RPN2: variants seen among roughly 807,000 people sequenced by gnomAD.
RPN2 encodes the protein dolichyl-diphosphooligosaccharide--protein glycosyltransferase subunit 2.
In RPN2, 29 loss-of-function variants were observed where a neutral mutation model predicts 71.4. The ratio of observed to expected loss-of-function variants is 0.41; its 90% CI spans 0.30 to 0.55. The LOEUF is 0.55. RPN2 is among the 20% of genes least tolerant of loss of function. The pLI is 0.35. For synonymous variants in RPN2, 308 were observed against 305.0 expected, an observed-to-expected ratio of 1.01 and a Z score of -0.10; for missense variants, 726 against 774.1, an observed-to-expected ratio of 0.94 and a Z score of 0.74.
In RPN2 at chr20:37,238,537, C is replaced by G. The variant is rs2068464044; in HGVS notation, c.1883+1828C>G. ...GCATGTCAGTTATCTCTCTAGTTTT[C>G]AGCCCACTTGCTCCTCCCACCCCTC... is the stretch of plus-strand genomic sequence containing the variant. On this transcript the variant is annotated intron_variant, in intron 16 of 16. Transcript: ENST00000237530. The G allele has an allele frequency of 6.3e-6, 6 of 951,972 alleles. No individual in the cohort carries two copies. In the South Asian group the frequency reaches 8.3e-5, roughly 13 times the overall value. The allele number at this position is 951,972 out of a possible 1,614,324, so 59.0% of individuals were successfully genotyped here.
chr20:37,236,995 C>G (rs1244076884), intron 16 of RPN2, among the ~76,000 whole-genome samples: 1 of 152,124 alleles, frequency 6.6e-6, no homozygotes, highest in Non-Finnish European at 1.5e-5. Context: ...ATAGATGTGG[C>G]AGAAGATTAA....
intron 11 of RPN2, among the ~76,000 whole-genome samples, chr20:37,227,010 A>G (rs1001709994): frequency 4.6e-5 from 7 of 152,124 alleles, no homozygotes; most frequent in Non-Finnish European, 8.8e-5. Flanking sequence ...TTACTTGAGA[A>G]CCTTCTTGCT....
chr20:37,224,945 G>A (rs1171039832), intron 10 of RPN2, among the ~76,000 whole-genome samples: 4 of 152,176 alleles, frequency 2.6e-5, no homozygotes, highest in Non-Finnish European at 4.4e-5. Context: ...ATGTCTGTGC[G>A]AGCGCTTTGC....
chr20:37,233,104 TC>T (rs2068294583), intron 14 of RPN2, among the ~76,000 whole-genome samples: 1 of 151,930 alleles, frequency 6.6e-6, no homozygotes, highest in Non-Finnish European at 1.5e-5. Context: ...ATGCCTGTAG[TC>T]CCGGCTACTT....
chr20:37,223,393 ATC>A (rs2068005320), intron 9 of RPN2, among the ~76,000 whole-genome samples: 1 of 152,176 alleles, frequency 6.6e-6, no homozygotes, highest in Non-Finnish European at 1.5e-5. Context: ...AAGCAGCTTC[ATC>A]TCTCTCATCT....
chr20:37,225,826 C>A, intron 11 of RPN2, 24 bp downstream of exon 11: 1 of 1,464,298 alleles, frequency 6.8e-7, no homozygotes, highest in Non-Finnish European at 9.6e-7. Flanking sequence ...CTAGACAGTT[C>A]TCTTAACCTG....
chr20:37,198,266 C>CT, intron 2 of RPN2, 131 bp from the exon 3 acceptor site: 1 of 1,535,288 alleles, frequency 6.5e-7, no homozygotes. Context: ...AAAGTAACTA[C>CT]TTAACTAAAT....
At chr20:37,233,990 C>T (rs376140230) in intron 14 of RPN2, 30 bp from the exon 15 acceptor site, 14 of 1,612,574 alleles carry the variant, frequency 8.7e-6, no homozygotes, top group Non-Finnish European at 1.2e-5. Flanking sequence ...GTTCTAATGC[C>T]TTTTTAATTT....
intron 9 of RPN2, among the ~76,000 whole-genome samples, chr20:37,216,149 G>T (rs2067798397): frequency 6.6e-6 from 1 of 152,062 alleles, no homozygotes; most frequent in Non-Finnish European, 1.5e-5. Context: ...TACTAGCCTG[G>T]CCAACATGAT....
In RPN2 at chr20:37,203,912, C is replaced by T. The variant is rs1434065096; in HGVS notation, c.507C>T (p.Ser169=). The change falls in exon 5 of 17, where the codon TCC becomes TCT. Residue 169 remains serine (S), a synonymous_variant. Transcript: ENST00000237530. ...LATVQALQTA[S]HLSQQADLRS... is the part of the protein sequence containing the mutation. ...CAGTCCAGGCTCTGCAGACAGCATCCCACCTGTCCCAGCAGGCTGACCTGA... is the reference window on the plus strand; with the variant it reads ...CAGTCCAGGCTCTGCAGACAGCATCTCACCTGTCCCAGCAGGCTGACCTGA... 6.2e-7 allele frequency: 1 copy of T among 1,614,026 alleles called. No homozygotes were observed. Among genetic ancestry groups the T allele is most frequent in the Non-Finnish European group, 8.5e-7 (1 of 1,179,904 alleles).
chr20:37,234,182 C>A, intron 15 of RPN2, 87 bp downstream of exon 15: 2 of 1,257,926 alleles, frequency 1.6e-6, no homozygotes, highest in Non-Finnish European at 2.3e-6. Flanking sequence ...GACCCACAAC[C>A]TATTACCTAT....
At chr20:37,195,534 C>T (rs1286980823) in intron 2 of RPN2, among the ~76,000 whole-genome samples, 1 of 152,156 alleles carries the variant, frequency 6.6e-6, no homozygotes, top group Non-Finnish European at 1.5e-5. Context: ...CCTCAGTTTT[C>T]TTACCTGTAA....
chr20:37,189,974 G>C (rs2067107454), intron 2 of RPN2, among the ~76,000 whole-genome samples: 1 of 152,316 alleles, frequency 6.6e-6, no homozygotes, highest in South Asian at 2.1e-4. Flanking sequence ...CCTGGGGAGA[G>C]AGAAAGAGCA....
intron 9 of RPN2, among the ~76,000 whole-genome samples, chr20:37,220,615 G>A (rs2067930349): frequency 6.6e-6 from 1 of 152,116 alleles, no homozygotes; most frequent in Non-Finnish European, 1.5e-5. Flanking sequence ...GTGTAAAGCA[G>A]GCTTAGCTGC....
rs756536707 is a variant in RPN2, at chr20:37,234,094, T to C, written c.1752T>C (p.Ala584=). The C allele has an allele frequency of 6.2e-7, 1 of 1,614,146 alleles. No individual in the cohort carries two copies. The highest frequency in any genetic ancestry group is 8.5e-7 in the Non-Finnish European group (1 of 1,180,000). The part of the protein sequence containing the change: ...PSTIIFHLGH[A]AMLGLMYVYW... ...CGATTATATTTCACCTGGGACATGCTGGTAAGTGCCCCAGGCTGCTAATTA... is the reference window on the plus strand; with the variant it reads ...CGATTATATTTCACCTGGGACATGCCGGTAAGTGCCCCAGGCTGCTAATTA... The change falls in exon 15 of 17, where the codon GCT becomes GCC. Residue 584 remains alanine, a splice_region_variant and synonymous_variant. Transcript: ENST00000237530.
In RPN2 at chr20:37,204,694, G is replaced by A. The variant is rs964073187; in HGVS notation, c.556-73G>A. ...GATGTCACGAAGCTGTCTGCAGTGG[G>A]GTTGACAGTGGTTCGTGCATCTCAT... On this transcript the variant is annotated intron_variant, in intron 5 of 16. Transcript: ENST00000237530. 136 of 1,509,616 alleles carry A rather than the reference G, an allele frequency of 9.0e-5. 4 individuals carry two copies. In the South Asian group the frequency reaches 1.5e-3, roughly 17 times the overall value. The allele number at this position is 1,509,616 out of a possible 1,614,324, so 93.5% of individuals were successfully genotyped here. A position where few individuals can be genotyped will look rare whatever the true frequency, so the allele number is the denominator to read the frequency against.
At position 37,200,510 on chromosome 20, in the gene RPN2, T is replaced by C. The variant is rs759403569; in HGVS notation, c.479+1285T>C. ...TTAGCAAGAGGTTGGTGATACCAAA[T>C]CCCCCTTTCAAAACAGTGAGATTGT... On this transcript the variant is annotated intron_variant, in intron 4 of 16. Transcript: ENST00000237530. 86 of 531,480 alleles carry C rather than the reference T, an allele frequency of 1.6e-4. 1 individual carries two copies. In the Admixed American group the frequency reaches 1.7e-3, roughly 10 times the overall value. The allele number at this position is 531,480 out of a possible 1,614,324, so 32.9% of individuals were successfully genotyped here.
At chr20:37,218,293 GT>G (rs1183635837) in intron 9 of RPN2, among the ~76,000 whole-genome samples, 7 of 147,004 alleles carry the variant, frequency 4.8e-5, no homozygotes, top group Non-Finnish European at 1.0e-4. Context: ...GCATGTACCT[GT>G]CCCAGCTACT....
chr20:37,235,400 G>A (rs977170243), intron 15 of RPN2, among the ~76,000 whole-genome samples: 13 of 152,148 alleles, frequency 8.5e-5, no homozygotes, highest in Non-Finnish European at 1.9e-4. Context: ...GGTGACTGGG[G>A]CAGGAATTAT....
Sources: gnomAD v4.1 joint callset for allele counts (sites outside exome capture counted in the v4.1 genomes callset) on GRCh38, gnomAD v4.1.1 for gene constraint, MANE v1.5 for transcripts, NCBI Gene and HGNC (gene_info 2026-07-23, HGNC 2026-07-21) for gene names.